USP7: variants seen among roughly 807,000 people sequenced by gnomAD.
USP7 encodes the protein ubiquitin C-terminal hydrolase 7.
In USP7, 9 loss-of-function variants were observed where a neutral mutation model predicts 162.9. The observed-to-expected ratio is 0.06, with a 90% CI of 0.03 to 0.10. The LOEUF (loss-of-function observed/expected upper bound fraction) is 0.10, where lower values mean the gene tolerates loss of function less well. Among genes scored for constraint, USP7 ranks in the 10% least tolerant of loss-of-function variants. USP7 has a pLI of 1.00. For missense variants in USP7, 715 were observed against 1,373.7 expected (o/e 0.52, Z 7.58); for synonymous variants, 562 against 475.9 (o/e 1.18, Z -2.35).
At chr16:8,929,160 T>C (rs1205673540) in intron 2 of USP7, among the ~76,000 whole-genome samples, 1 of 152,222 alleles carries the variant, frequency 6.6e-6, no homozygotes, top group Non-Finnish European at 1.5e-5. Context: ...GTGGCTAGAA[T>C]TGATCCCAAA....
intron 13 of USP7, 26 bp from the exon 14 acceptor site, chr16:8,905,357 C>G: frequency 1.2e-6 from 2 of 1,610,414 alleles, no homozygotes; most frequent in South Asian, 2.2e-5. Flanking sequence ...CACACACCAG[C>G]AGCGATCAAG....
chr16:8,943,950 A>T (rs1176740449), intron 1 of USP7, among the ~76,000 whole-genome samples: 1 of 152,178 alleles, frequency 6.6e-6, no homozygotes, highest in Non-Finnish European at 1.5e-5. Flanking sequence ...CTTATTCTAC[A>T]ATAATTGGGT....
At chr16:8,917,270 T>C in intron 6 of USP7, 114 bp from the exon 7 acceptor site, 1 of 1,301,026 alleles carries the variant, frequency 7.7e-7, no homozygotes, top group Non-Finnish European at 1.0e-6. Flanking sequence ...ACACAATGGC[T>C]AAGGTTGTTG....
At chr16:8,941,452 T>G (rs1899042095) in intron 1 of USP7, among the ~76,000 whole-genome samples, 1 of 152,114 alleles carries the variant, frequency 6.6e-6, no homozygotes, top group South Asian at 2.1e-4. Flanking sequence ...ACCTGAGGGG[T>G]AAAGGCACGT....
intron 2 of USP7, among the ~76,000 whole-genome samples, chr16:8,924,055 G>C (rs1400032257): frequency 6.6e-6 from 1 of 152,130 alleles, no homozygotes; most frequent in African/African-American, 2.4e-5. Context: ...AGTATAAATT[G>C]TTAAATGATA....
intron 11 of USP7, 75 bp from the exon 12 acceptor site, chr16:8,908,525 C>G: frequency 7.6e-7 from 1 of 1,307,904 alleles, no homozygotes; most frequent in East Asian, 2.3e-5. Context: ...AACAGCGGTT[C>G]AGCAAGATTG....
At chr16:8,918,963 T>G in intron 6 of USP7, 68 bp downstream of exon 6, 1 of 1,520,970 alleles carries the variant, frequency 6.6e-7, no homozygotes, top group Non-Finnish European at 9.1e-7. Context: ...TTGAGAGGAC[T>G]TTGCTCTGAT....
chr16:8,929,606 T>C, intron 2 of USP7: 1 of 456,046 alleles, frequency 2.2e-6, no homozygotes. Flanking sequence ...CATGGTTTCA[T>C]ATTACACTCA....
chr16:8,933,320 G>A (rs1187556193), intron 1 of USP7, among the ~76,000 whole-genome samples: 2 of 152,096 alleles, frequency 1.3e-5, no homozygotes, highest in African/African-American at 4.8e-5. Flanking sequence ...GCCAAGACGG[G>A]ACGATCACAT....
chr16:8,895,548 T>A, intron 27 of USP7, 94 bp downstream of exon 27: 1 of 1,078,142 alleles, frequency 9.3e-7, no homozygotes, highest in South Asian at 1.3e-5. Context: ...AAAACACAAA[T>A]CAAGCTACTT....
At position 8,892,977 on chromosome 16, in the gene USP7, AC is replaced by A. The variant is rs2061622976; in HGVS notation, c.*1020del. On this transcript the variant is annotated 3_prime_UTR_variant, in exon 31 of 31. Transcript: ENST00000344836. ...GGCATTAGCTCCAAAATAAAAGGAAACGGGGCTGGGACCGAAATAAAACTAC... is the reference window on the plus strand; with the variant it reads ...GGCATTAGCTCCAAAATAAAAGGAAAGGGGCTGGGACCGAAATAAAACTAC... 6.6e-6 allele frequency: 1 copy of A among 152,214 alleles called. No homozygotes were observed. Among genetic ancestry groups the A allele is most frequent in the South Asian group, 2.1e-4 (1 of 4,828 alleles). The allele number at this position is 152,214 out of a possible 1,614,324, so 9.4% of individuals were successfully genotyped here. A position where few individuals can be genotyped will look rare whatever the true frequency, so the allele number is the denominator to read the frequency against.
intron 2 of USP7, among the ~76,000 whole-genome samples, chr16:8,928,445 C>A (rs572722094): frequency 6.6e-6 from 1 of 152,170 alleles, no homozygotes; most frequent in Non-Finnish European, 1.5e-5. Flanking sequence ...CTGAGACATA[C>A]GACAGTAAAT....
At chr16:8,910,697 TAAA>T (rs1567217152) in intron 11 of USP7, 45 bp downstream of exon 11, 2 of 1,534,800 alleles carry the variant, frequency 1.3e-6, no homozygotes, top group South Asian at 2.3e-5. Flanking sequence ...GAATTGAAAA[TAAA>T]GAAGAACGCT....
chr16:8,924,883 G>T (rs1897904023), intron 2 of USP7, among the ~76,000 whole-genome samples: 1 of 152,194 alleles, frequency 6.6e-6, no homozygotes, highest in South Asian at 2.1e-4. Context: ...TTACAGCACA[G>T]GAACTTTGGA....
In USP7 at chr16:8,897,090, G is replaced by A. The variant is rs567490269; in HGVS notation, c.2728C>T (p.Leu910=). 5 of 1,611,374 alleles carry A rather than the reference G, an allele frequency of 3.1e-6. No individual in the cohort carries two copies. Among genetic ancestry groups the A allele is most frequent in the Non-Finnish European group, 4.2e-6 (5 of 1,177,570 alleles). ...ACACACCCATGCTTGTCTGGATATA[G>A]TGTTATTTCCTAAGTAATGAAAAGA... ...NSQFREEEIT[L]YPDKHGCVRD... Residue 910 remains leucine, a synonymous_variant, in exon 26 of 31, where the codon CTA becomes TTA. Coordinates refer to ENST00000344836, the MANE Select transcript of USP7 (RefSeq NM_003470.3).
intron 18 of USP7, 50 bp from the exon 19 acceptor site, chr16:8,901,284 T>C (rs775306537): frequency 4.6e-6 from 6 of 1,317,144 alleles, no homozygotes. Flanking sequence ...CTCAGCACAA[T>C]GCTTAAAAAA....
At position 8,920,227 on chromosome 16, in the gene USP7, T is replaced by C. The variant is rs563942179; in HGVS notation, c.611+132A>G. 45 of 734,924 alleles carry C rather than the reference T, an allele frequency of 6.1e-5. No homozygotes were observed. In the African/African-American group the frequency reaches 7.2e-4, roughly 12 times the overall value. The allele number at this position is 734,924 out of a possible 1,614,324, so 45.5% of individuals were successfully genotyped here. ...CGAGTGTCAAGCAGGTGTGACTCTG[T>C]GTGCCACAGGGCAAGCGCAGAGAGG... On this transcript the variant is annotated intron_variant, in intron 5 of 30. Transcript: ENST00000344836.
At chr16:8,953,541 G>C (rs886588566) in intron 1 of USP7, among the ~76,000 whole-genome samples, 2 of 131,666 alleles carry the variant, frequency 1.5e-5, no homozygotes, top group Non-Finnish European at 3.4e-5. Context: ...GGGAAGACAC[G>C]TGCCCCATGC....
Position 8,895,596 on chromosome 16 carries a change from G to A in USP7, c.2919+46C>T, listed in dbSNP as rs755017755. The A allele has an allele frequency of 2.3e-5, 34 of 1,453,730 alleles. No homozygotes were observed. In the South Asian group the frequency reaches 3.6e-4, roughly 16 times the overall value. 90.1% of individuals were successfully genotyped at this position (1,453,730 alleles called of 1,614,324 possible). A position where few individuals can be genotyped will look rare whatever the true frequency, so the allele number is the denominator to read the frequency against. ...GTGATATTTAAATATGCAGCAGATG[G>A]GGCTCATGAATTCTCTCTGGTGCCA... is the stretch of plus-strand genomic sequence containing the variant. On this transcript the variant is annotated intron_variant, in intron 27 of 30. Transcript: ENST00000344836.
Sources: allele counts gnomAD v4.1 joint callset (sites outside exome capture counted in the v4.1 genomes callset), GRCh38; gene constraint gnomAD v4.1.1; transcripts MANE v1.5; gene names NCBI Gene and HGNC (gene_info 2026-07-23, HGNC 2026-07-21).